Variants in NR5A2 observed in about 807,000 individuals in gnomAD.
The protein encoded by NR5A2 is CYP7A promoter-binding factor.
In NR5A2, 26 loss-of-function variants were observed where a neutral mutation model predicts 62.7. The ratio of observed to expected loss-of-function variants is 0.41; its 90% confidence interval spans 0.30 to 0.58. The LOEUF (loss-of-function observed/expected upper bound fraction) is 0.58, where lower values mean the gene tolerates loss of function less well. Ranked by LOEUF, NR5A2 falls within the 20% of genes least tolerant of loss-of-function variation. The pLI is 0.22. For missense variants in NR5A2, 541 were observed against 669.1 expected (o/e 0.81, Z 2.11); for synonymous variants, 246 against 241.7 (o/e 1.02, Z -0.16).
chr1:200,148,310 T>A, intron 7 of NR5A2: 1 of 182,170 alleles, frequency 5.5e-6, no homozygotes. Context: ...CAGGCTTTTC[T>A]TGGCCATTTA....
intron 4 of NR5A2, 34 bp downstream of exon 4, chr1:200,045,618 ACT>A: frequency 1.9e-6 from 3 of 1,576,914 alleles, no homozygotes; most frequent in Non-Finnish European, 1.7e-6. Context: ...GCCTATTAAA[ACT>A]CTCCAAGGAC....
intron 7 of NR5A2, among the ~76,000 whole-genome samples, chr1:200,123,420 G>T (rs1038672318): frequency 6.6e-6 from 1 of 152,242 alleles, no homozygotes. Flanking sequence ...GATACGGCTT[G>T]AGGGAAGCAG....
chr1:200,141,830 T>C (rs867699053), intron 7 of NR5A2, among the ~76,000 whole-genome samples: 36 of 152,382 alleles, frequency 2.4e-4, no homozygotes, highest in African/African-American at 7.5e-4. Context: ...GGAAGTCTTT[T>C]GGAAGTCTAC....
intron 7 of NR5A2, among the ~76,000 whole-genome samples, chr1:200,136,598 C>G (rs563134935): frequency 6.6e-6 from 1 of 152,164 alleles, no homozygotes; most frequent in Non-Finnish European, 1.5e-5. Context: ...AGTAATAGAA[C>G]TGGGATTTGC....
At chr1:200,028,897 A>G (rs1661445121) in intron 1 of NR5A2, 1 of 247,018 alleles carries the variant, frequency 4.0e-6, no homozygotes, top group Non-Finnish European at 8.2e-6. Flanking sequence ...GGAGTCACAG[A>G]TTGCTTTTTT....
chr1:200,123,010 G>C (rs895085913), intron 7 of NR5A2, among the ~76,000 whole-genome samples: 2 of 152,124 alleles, frequency 1.3e-5, no homozygotes, highest in African/African-American at 4.8e-5. Flanking sequence ...CCCAAATGCT[G>C]GTTTTACCTG....
At chr1:200,167,211 T>C (rs1042579197) in intron 7 of NR5A2, among the ~76,000 whole-genome samples, 4 of 152,180 alleles carry the variant, frequency 2.6e-5, no homozygotes, top group East Asian at 1.9e-4. Context: ...CTTCACCCAA[T>C]ATTCCATGTG....
chr1:200,135,532 A>AAAGAAG (rs200025911), intron 7 of NR5A2, among the ~76,000 whole-genome samples: 6 of 138,544 alleles, frequency 4.3e-5, no homozygotes, highest in African/African-American at 8.6e-5. Context: ...AAAAAAAAAA[A>AAAGAAG]AAGAAGAAGA....
At chr1:200,112,371 C>T (rs1240691508) in intron 6 of NR5A2, among the ~76,000 whole-genome samples, 1 of 152,182 alleles carries the variant, frequency 6.6e-6, no homozygotes, top group Non-Finnish European at 1.5e-5. Context: ...ATGTGTGGGA[C>T]ACAGTGATTC....
intron 7 of NR5A2, among the ~76,000 whole-genome samples, chr1:200,125,881 C>G (rs1007374622): frequency 6.6e-6 from 1 of 152,142 alleles, no homozygotes; most frequent in Non-Finnish European, 1.5e-5. Flanking sequence ...CAGGGTCCTG[C>G]TCTGTTGCCC....
chr1:200,117,722 T>C (rs1666290597), intron 6 of NR5A2, among the ~76,000 whole-genome samples: 1 of 142,270 alleles, frequency 7.0e-6, no homozygotes, highest in Non-Finnish European at 1.5e-5. Flanking sequence ...TTTTCTTTTC[T>C]TTTTTTTTTG....
intron 7 of NR5A2, among the ~76,000 whole-genome samples, chr1:200,140,156 A>C (rs79182590): frequency 6.6e-6 from 1 of 151,794 alleles, no homozygotes; most frequent in South Asian, 2.1e-4. Flanking sequence ...GTCAGTATTT[A>C]TTTCTTTATA....
chr1:200,089,813 A>G (rs989871232), intron 5 of NR5A2, among the ~76,000 whole-genome samples: 1 of 152,160 alleles, frequency 6.6e-6, no homozygotes, highest in Non-Finnish European at 1.5e-5. Context: ...CTCTGCAGTT[A>G]TTATCCTGGG....
chr1:200,059,255 T>G (rs1269109161), intron 5 of NR5A2, among the ~76,000 whole-genome samples: 1 of 152,000 alleles, frequency 6.6e-6, no homozygotes, highest in Non-Finnish European at 1.5e-5. Flanking sequence ...TATATATAAT[T>G]GGAGGGGCAC....
intron 5 of NR5A2, among the ~76,000 whole-genome samples, chr1:200,075,232 T>C (rs1663970989): frequency 6.6e-6 from 1 of 152,216 alleles, no homozygotes; most frequent in South Asian, 2.1e-4. Flanking sequence ...TTACCAAGTA[T>C]ACATAAGTCA....
At chr1:200,082,577 G>A (rs1344361099) in intron 5 of NR5A2, among the ~76,000 whole-genome samples, 1 of 152,148 alleles carries the variant, frequency 6.6e-6, no homozygotes, top group African/African-American at 2.4e-5. Context: ...ATTCTTGAAT[G>A]AGAGGCAACA....
At chr1:200,124,843 G>C (rs1666633562) in intron 7 of NR5A2, among the ~76,000 whole-genome samples, 1 of 151,954 alleles carries the variant, frequency 6.6e-6, no homozygotes, top group South Asian at 2.1e-4. Flanking sequence ...GAGGTGGGAG[G>C]ATCAGCCAAG....
At chr1:200,135,541 G>GAAC (rs893267059) in intron 7 of NR5A2, among the ~76,000 whole-genome samples, 4 of 151,414 alleles carry the variant, frequency 2.6e-5, no homozygotes, top group African/African-American at 9.7e-5. Context: ...AAAAGAAGAA[G>GAAC]AAGAAGAAGA....
intron 5 of NR5A2, among the ~76,000 whole-genome samples, chr1:200,096,468 T>C (rs1367418597): frequency 6.6e-6 from 1 of 152,190 alleles, no homozygotes; most frequent in Non-Finnish European, 1.5e-5. Flanking sequence ...GGTATGTATG[T>C]ATGACTGATA....
Sources: gnomAD v4.1 joint callset for allele counts (sites outside exome capture counted in the v4.1 genomes callset) on GRCh38, gnomAD v4.1.1 for gene constraint, MANE v1.5 for transcripts, NCBI Gene and HGNC (gene_info 2026-07-23, HGNC 2026-07-21) for gene names.